Variants in CSMD3 observed in about 807,000 individuals in gnomAD.
CSMD3 encodes the protein CUB and Sushi multiple domains 3, also known as CUB and sushi domain-containing protein 3.
In CSMD3, 177 loss-of-function variants were observed where a neutral mutation model predicts 435.2. The observed-to-expected ratio is 0.41, with a 90% CI of 0.36 to 0.46. The LOEUF (loss-of-function observed/expected upper bound fraction) is 0.46, where lower values mean the gene tolerates loss of function less well. Ranked by LOEUF, CSMD3 falls within the 20% of genes least tolerant of loss-of-function variation. The pLI, the probability that CSMD3 is intolerant of heterozygous loss-of-function variation, is 0.34. For synonymous variants in CSMD3, 1,656 were observed against 1,520.5 expected (o/e 1.09, Z -2.07); for missense variants, 4,265 against 4,504.6 (o/e 0.95, Z 1.52).
intron 13 of CSMD3, among the ~76,000 whole-genome samples, chr8:112,690,909 TTAAGA>T (rs1440502374): frequency 2.0e-5 from 3 of 152,128 alleles, no homozygotes; most frequent in Non-Finnish European, 4.4e-5. Context: ...AAATGTAACT[TTAAGA>T]TAAAGTTATA....
At chr8:113,410,750 A>T (rs1407472819) in intron 1 of CSMD3, among the ~76,000 whole-genome samples, 2 of 151,620 alleles carry the variant, frequency 1.3e-5, no homozygotes, top group African/African-American at 2.4e-5. Flanking sequence ...GGAAAAAAAA[A>T]AAAAAAATGC....
intron 1 of CSMD3, among the ~76,000 whole-genome samples, chr8:113,373,145 A>C (rs1360228611): frequency 6.6e-6 from 1 of 152,172 alleles, no homozygotes; most frequent in Non-Finnish European, 1.5e-5. Context: ...TCTAATCTGT[A>C]AACAACAGTA....
At chr8:113,281,062 G>C (rs914621918) in intron 2 of CSMD3, among the ~76,000 whole-genome samples, 2 of 151,708 alleles carry the variant, frequency 1.3e-5, no homozygotes, top group South Asian at 2.1e-4. Context: ...ATTGAGGCTC[G>C]TTTTTGGCCT....
chr8:112,478,531 C>T (rs764367694), intron 31 of CSMD3, among the ~76,000 whole-genome samples: 1 of 152,184 alleles, frequency 6.6e-6, no homozygotes, highest in Non-Finnish European at 1.5e-5. Context: ...TGTCCTAGTA[C>T]ATGTCCTAGA....
At chr8:113,024,728 C>G (rs528464188) in intron 5 of CSMD3, among the ~76,000 whole-genome samples, 1 of 152,102 alleles carries the variant, frequency 6.6e-6, no homozygotes, top group African/African-American at 2.4e-5. Context: ...TTTTCACACA[C>G]CTGTTGGCCA....
At chr8:113,250,295 T>A (rs553274736) in intron 3 of CSMD3, among the ~76,000 whole-genome samples, 1 of 152,216 alleles carries the variant, frequency 6.6e-6, no homozygotes, top group East Asian at 1.9e-4. Flanking sequence ...GTTCATATTA[T>A]TAGAATTTAG....
chr8:112,791,380 C>A (rs2078688853), intron 13 of CSMD3, among the ~76,000 whole-genome samples: 1 of 150,816 alleles, frequency 6.6e-6, no homozygotes, highest in African/African-American at 2.4e-5. Context: ...GTTTCTCCAG[C>A]CTGTTGCTAA....
intron 11 of CSMD3, among the ~76,000 whole-genome samples, chr8:112,855,809 C>CTTTTTTTTTTTTTTTTTTT (rs34885472): frequency 2.2e-5 from 3 of 135,572 alleles, no homozygotes; most frequent in Non-Finnish European, 3.1e-5. Context: ...CTTAGCGAAG[C>CTTTTTTTTTTTTTTTTTTT]TTTTTTTTTT....
intron 13 of CSMD3, among the ~76,000 whole-genome samples, chr8:112,776,385 T>TA (rs1194302775): frequency 2.6e-5 from 4 of 151,804 alleles, no homozygotes; most frequent in Admixed American, 2.6e-4. Flanking sequence ...CTTACGAAAA[T>TA]ACATCATCAT....
rs565113896 is a variant in CSMD3, at chr8:112,527,136, G to A, written c.4565-9911C>T. On this transcript the variant is annotated intron_variant, in intron 27 of 70. Transcript: ENST00000297405. ...TATATTAAATATAAGTAGTCTAATG[G>A]TTAAAAGACTCCAACTAAGGGAGAG... Among the ~76,000 whole-genome samples the A allele has an allele frequency of 1.3e-4, 20 of 151,846 alleles. No individual in the cohort carries two copies. In the South Asian group the frequency reaches 4.2e-3, roughly 32 times the overall value.
intron 22 of CSMD3, among the ~76,000 whole-genome samples, chr8:112,610,494 G>A (rs1166479738): frequency 2.0e-5 from 3 of 151,932 alleles, no homozygotes; most frequent in African/African-American, 7.3e-5. Context: ...ATCAATATGG[G>A]ACTTCCCCAG....
chr8:113,064,319 C>A (rs1357715373), intron 5 of CSMD3, among the ~76,000 whole-genome samples: 2 of 151,750 alleles, frequency 1.3e-5, no homozygotes, highest in South Asian at 2.1e-4. Flanking sequence ...TAGTAAGTAC[C>A]CATTTGGCCC....
chr8:113,068,104 A>G (rs1418937499), intron 5 of CSMD3, among the ~76,000 whole-genome samples: 1 of 152,194 alleles, frequency 6.6e-6, no homozygotes. Context: ...AAAATGCTGT[A>G]TAAAAAGAGT....
At chr8:112,849,297 A>T (rs2080417577) in intron 11 of CSMD3, among the ~76,000 whole-genome samples, 1 of 152,046 alleles carries the variant, frequency 6.6e-6, no homozygotes, top group African/African-American at 2.4e-5. Flanking sequence ...TATCCTCATA[A>T]CAATAACTCA....
intron 2 of CSMD3, chr8:113,310,362 A>G (rs2093858230): frequency 6.6e-6 from 1 of 152,114 alleles, no homozygotes; most frequent in South Asian, 2.1e-4. Flanking sequence ...TGGATAATAT[A>G]TATCATATAA....
chr8:112,774,990 G>A (rs769653794), intron 13 of CSMD3, among the ~76,000 whole-genome samples: 9 of 151,830 alleles, frequency 5.9e-5, no homozygotes, highest in Non-Finnish European at 1.3e-4. Context: ...AGTACTTATA[G>A]ATAGGCCTTT....
chr8:112,494,572 T>TTTCTTTC (rs1821146489), intron 30 of CSMD3, among the ~76,000 whole-genome samples: 1 of 130,864 alleles, frequency 7.6e-6, no homozygotes, highest in Non-Finnish European at 1.6e-5. Flanking sequence ...TCTTTCTTTC[T>TTTCTTTC]TTTCTTTCTT....
Position 112,352,435 on chromosome 8 carries a change from T to A in CSMD3, c.6236A>T (p.Asp2079Val), listed in dbSNP as rs1265364332. The A allele has an allele frequency of 6.2e-7, 1 of 1,613,538 alleles. No individual in the cohort carries two copies. Reference protein sequence around the residue: ...MVGDVVSFQCDQGYSLQGHSH... With the variant: ...MVGDVVSFQCVQGYSLQGHSH... ...ACTTACCTGAAGAGAATATCCTTGA[T>A]CACACTGAAAGGATACTACATCTCC... is the stretch of plus-strand genomic sequence containing the variant. The change falls in exon 39 of 71, where the codon GAT (aspartate) becomes GTT (valine). Residue 2079 changes from aspartate to valine, a missense_variant. By Grantham distance (152) the Asp-to-Val change is radical. Around this residue, in one of 3 missense-constraint regions of CSMD3, gnomAD observed 3,255 missense variants for 3,380.2 expected, o/e 0.96. Transcript: ENST00000297405.
intron 5 of CSMD3, among the ~76,000 whole-genome samples, chr8:113,029,807 A>G (rs1346285434): frequency 1.3e-5 from 2 of 151,578 alleles, no homozygotes; most frequent in South Asian, 2.1e-4. Flanking sequence ...AATAAAGGGC[A>G]TCCAAATCAG....
Sources: gnomAD v4.1 joint callset for allele counts (sites outside exome capture counted in the v4.1 genomes callset) on GRCh38, gnomAD v4.1.1 for gene constraint, gnomAD v4.1.1 regional missense constraint, MANE v1.5 for transcripts, NCBI Gene and HGNC (gene_info 2026-07-23, HGNC 2026-07-21) for gene names.